The following SH2D4A variants were observed in gnomAD, a reference collection of about 807,000 sequenced individuals.
SH2D4A encodes the protein SH2 domain containing 4A, also known as SH2 domain-containing protein 4A.
SH2D4A carries 70 observed loss-of-function variants against 64.7 expected under a neutral mutation model. The ratio of observed to expected loss-of-function variants is 1.08; its 90% confidence interval spans 0.89 to 1.32. The LOEUF (loss-of-function observed/expected upper bound fraction) is 1.32, where lower values mean the gene tolerates loss of function less well. Ranked by LOEUF, SH2D4A falls within the 40% of genes most tolerant of loss-of-function variation. The pLI is 0.00. For missense variants in SH2D4A, 706 were observed against 540.1 expected, an observed-to-expected ratio of 1.31 and a Z score of -3.04; for synonymous variants, 268 against 200.7, an observed-to-expected ratio of 1.34 and a Z score of -2.83.
intron 3 of SH2D4A, 71 bp downstream of exon 3, chr8:19,333,185 C>T: frequency 6.7e-7 from 1 of 1,498,420 alleles, no homozygotes; most frequent in Non-Finnish European, 8.9e-7. Flanking sequence ...AAACACACCT[C>T]TTGCTCACAG....
chr8:19,313,863 G>A, intron 1 of SH2D4A, 40 bp downstream of exon 1: 1 of 1,443,000 alleles, frequency 6.9e-7, no homozygotes, highest in Non-Finnish European at 9.1e-7. Flanking sequence ...GGGAGAGTGT[G>A]CGTGGGGTGG....
At chr8:19,386,132 C>A (rs1170262827) in intron 8 of SH2D4A, among the ~76,000 whole-genome samples, 1 of 152,182 alleles carries the variant, frequency 6.6e-6, no homozygotes, top group Non-Finnish European at 1.5e-5. Context: ...CCAGGCAGGG[C>A]TCCTTTTAGT....
In SH2D4A at chr8:19,380,997, G is replaced by A. The variant is rs1194723568; in HGVS notation, c.1048+7337G>A. 2.0e-5 allele frequency among the ~76,000 whole-genome samples: 3 copies of A among 151,606 alleles called. No individual in the cohort carries two copies. The East Asian group carries it at 5.8e-4, about 29-fold the overall frequency. On this transcript the variant is annotated intron_variant, in intron 8 of 9. Transcript: ENST00000265807. Reference sequence around the variant, plus strand: ...TAAGTCTTCTAATCCAGGAACATGGGATGTGTTTTTATTTACTTATGTCTT... The same window carrying A: ...TAAGTCTTCTAATCCAGGAACATGGAATGTGTTTTTATTTACTTATGTCTT...
Position 19,393,368 on chromosome 8 carries a change from C to G in SH2D4A, c.1099C>G (p.Pro367Ala), listed in dbSNP as rs756686094. 1.2e-6 allele frequency: 2 copies of G among 1,614,180 alleles called. No homozygotes were observed. Among genetic ancestry groups the G allele is most frequent in the Non-Finnish European group, 1.7e-6 (2 of 1,180,030 alleles). The change falls in exon 9 of 10, where the codon CCC becomes GCC. Residue 367 changes from proline to alanine, a missense_variant. Pro to Ala is a conservative substitution (Grantham distance 27). Coordinates refer to ENST00000265807, the MANE Select transcript of SH2D4A (RefSeq NM_022071.4). ...ANELLLSTGM[P>A]GSFLIRVSER... ...TGAACTTCTTCTGAGCACAGGCATG[C>G]CCGGCAGTTTTCTCATCCGAGTCAG... is the stretch of plus-strand genomic sequence containing the variant.
chr8:19,342,979 C>T (rs535065098), intron 4 of SH2D4A, among the ~76,000 whole-genome samples: 2 of 152,298 alleles, frequency 1.3e-5, no homozygotes, highest in South Asian at 2.1e-4. Flanking sequence ...AGCTCTAGCA[C>T]GCTGCTTCCG....
At chr8:19,376,173 G>A (rs879002167) in intron 8 of SH2D4A, among the ~76,000 whole-genome samples, 3 of 152,150 alleles carry the variant, frequency 2.0e-5, no homozygotes, top group African/African-American at 4.8e-5. Context: ...GATGCGGGGA[G>A]GAATGGCTAT....
intron 2 of SH2D4A, among the ~76,000 whole-genome samples, chr8:19,328,874 T>A (rs1190359980): frequency 6.6e-6 from 1 of 152,216 alleles, no homozygotes; most frequent in African/African-American, 2.4e-5. Flanking sequence ...GTATGCATGG[T>A]CTCATAACTT....
At chr8:19,314,221 A>C in intron 1 of SH2D4A, 1 of 518,292 alleles carries the variant, frequency 1.9e-6, no homozygotes, top group Non-Finnish European at 2.5e-6. Flanking sequence ...ACCCGCGGGG[A>C]GTGCAGGCCC....
chr8:19,379,425 A>C (rs920343077), intron 8 of SH2D4A, among the ~76,000 whole-genome samples: 2 of 152,032 alleles, frequency 1.3e-5, no homozygotes, highest in African/African-American at 4.8e-5. Context: ...CTGTTGATGC[A>C]CTCTTGAGTT....
At chr8:19,378,765 G>C (rs556038433) in intron 8 of SH2D4A, among the ~76,000 whole-genome samples, 1 of 152,054 alleles carries the variant, frequency 6.6e-6, no homozygotes, top group South Asian at 2.1e-4. Context: ...TGTACAACTG[G>C]TCATGTGTGG....
chr8:19,394,606 G>A lies in SH2D4A; in HGVS notation c.1329G>A (p.Gln443=). The A allele has an allele frequency of 6.2e-7, 1 of 1,611,254 alleles. No homozygotes were observed. Among genetic ancestry groups the A allele is most frequent in the Non-Finnish European group, 8.5e-7 (1 of 1,178,396 alleles). The change falls in exon 10 of 10, where the codon CAG becomes CAA. Residue 443 remains glutamine, a synonymous_variant. Coordinates refer to ENST00000265807, the MANE Select transcript of SH2D4A (RefSeq NM_022071.4). The part of the protein sequence containing the change: ...KELLLYPCGQ[Q]DQLPDYLELF... Reference sequence around the variant, plus strand: ...TCCTTCTCTATCCCTGTGGTCAGCAGGACCAGCTGCCTGACTACCTGGAGC... The same window carrying A: ...TCCTTCTCTATCCCTGTGGTCAGCAAGACCAGCTGCCTGACTACCTGGAGC...
In SH2D4A at chr8:19,322,711, C is replaced by G. The variant is rs184512491; in HGVS notation, c.181+2983C>G. ...TCAACTCACTGCAACCTCTGTCTCC[C>G]TAGCTGCAGTGCAGTGGTGTGACAT... On this transcript the variant is annotated intron_variant, in intron 2 of 9. Coordinates refer to ENST00000265807, the MANE Select transcript of SH2D4A (RefSeq NM_022071.4). Among the ~76,000 whole-genome samples the G allele has an allele frequency of 2.8e-3, 412 of 148,724 alleles. 5 individuals carry two copies. Among genetic ancestry groups the G allele is most frequent in the Non-Finnish European group, 4.8e-3 (324 of 67,816 alleles).
At chr8:19,363,735 G>C in intron 6 of SH2D4A, 1 of 350,840 alleles carries the variant, frequency 2.9e-6, no homozygotes, top group Admixed American at 4.3e-5. Flanking sequence ...CTGCCAGCTT[G>C]AACCCATGCT....
At chr8:19,353,680 T>TG (rs2052744942) in intron 4 of SH2D4A, among the ~76,000 whole-genome samples, 1 of 145,716 alleles carries the variant, frequency 6.9e-6, no homozygotes, top group Non-Finnish European at 1.5e-5. Flanking sequence ...AGCTGTTTTT[T>TG]TTTTTTTTTT....
At chr8:19,325,714 C>T (rs1171669324) in intron 2 of SH2D4A, among the ~76,000 whole-genome samples, 2 of 152,142 alleles carry the variant, frequency 1.3e-5, no homozygotes, top group African/African-American at 2.4e-5. Context: ...TGCAGGTTCC[C>T]CAACTTTCTT....
chr8:19,349,932 G>C (rs1363547884), intron 4 of SH2D4A, among the ~76,000 whole-genome samples: 3 of 152,154 alleles, frequency 2.0e-5, no homozygotes, highest in African/African-American at 7.2e-5. Context: ...TCAAACTCCT[G>C]ACCTCAAGTG....
At chr8:19,337,910 C>G (rs1166073656) in intron 4 of SH2D4A, among the ~76,000 whole-genome samples, 1 of 152,104 alleles carries the variant, frequency 6.6e-6, no homozygotes, top group Non-Finnish European at 1.5e-5. Flanking sequence ...CCATATCAGA[C>G]AGAAACACTG....
At chr8:19,388,543 T>C (rs2053429014) in intron 8 of SH2D4A, among the ~76,000 whole-genome samples, 1 of 152,194 alleles carries the variant, frequency 6.6e-6, no homozygotes, top group East Asian at 1.9e-4. Flanking sequence ...AATATATCTA[T>C]GTAGGGTTGC....
At chr8:19,362,608 C>T (rs975893916) in intron 6 of SH2D4A, among the ~76,000 whole-genome samples, 1 of 151,926 alleles carries the variant, frequency 6.6e-6, no homozygotes, top group Admixed American at 6.6e-5. Context: ...GTTGTGGTGG[C>T]GTACACCTGT....
Sources: allele counts gnomAD v4.1 joint callset (sites outside exome capture counted in the v4.1 genomes callset), GRCh38; gene constraint gnomAD v4.1.1; transcripts MANE v1.5; gene names NCBI Gene and HGNC (gene_info 2026-07-23, HGNC 2026-07-21).